The following USP31 variants were observed in gnomAD, a reference collection of about 807,000 sequenced individuals.
The protein encoded by USP31 is ubiquitin carboxyl-terminal hydrolase 31.
USP31 carries 44 observed loss-of-function variants against 119.4 expected under a neutral mutation model. The ratio of observed to expected loss-of-function variants is 0.37; its 90% CI spans 0.29 to 0.47. The LOEUF is 0.47. Among genes scored for constraint, USP31 ranks in the 20% least tolerant of loss-of-function variants. USP31 has a pLI of 0.99. For missense variants in USP31, 1,643 were observed against 1,730.2 expected, an observed-to-expected ratio of 0.95 and a Z score of 0.89; for synonymous variants, 749 against 705.6, an observed-to-expected ratio of 1.06 and a Z score of -0.97.
intron 13 of USP31, among the ~76,000 whole-genome samples, chr16:23,074,617 A>T (rs990111219): frequency 6.6e-6 from 1 of 152,150 alleles, no homozygotes; most frequent in South Asian, 2.1e-4. Flanking sequence ...CTTGCACTTG[A>T]AGCCCTATCC....
intron 1 of USP31, among the ~76,000 whole-genome samples, chr16:23,111,265 G>A (rs190161309): frequency 1.2e-4 from 18 of 152,308 alleles, no homozygotes; most frequent in African/African-American, 4.3e-4. Context: ...AAAGCAGTGA[G>A]GACAGAATGG....
At chr16:23,148,073 T>C (rs578114845) in intron 1 of USP31, among the ~76,000 whole-genome samples, 1 of 152,276 alleles carries the variant, frequency 6.6e-6, no homozygotes, top group South Asian at 2.1e-4. Flanking sequence ...CAAATACACA[T>C]GATATGGAAG....
chr16:23,087,625 T>C, intron 8 of USP31, 99 bp downstream of exon 8: 2 of 1,140,718 alleles, frequency 1.8e-6, no homozygotes, highest in Non-Finnish European at 2.5e-6. Flanking sequence ...TTCTCAGTCC[T>C]GGAAATCTAA....
At chr16:23,113,882 A>C (rs996666988) in intron 1 of USP31, among the ~76,000 whole-genome samples, 1 of 152,140 alleles carries the variant, frequency 6.6e-6, no homozygotes, top group Non-Finnish European at 1.5e-5. Context: ...AGGCGGGTGG[A>C]TGACCTGAGG....
intron 6 of USP31, among the ~76,000 whole-genome samples, chr16:23,097,873 A>G (rs933943821): frequency 3.3e-5 from 5 of 152,254 alleles, no homozygotes; most frequent in African/African-American, 1.2e-4. Context: ...ATCATACTGA[A>G]TGGGCAAAAA....
At chr16:23,085,996 C>A (rs1201873978) in intron 9 of USP31, among the ~76,000 whole-genome samples, 1 of 152,144 alleles carries the variant, frequency 6.6e-6, no homozygotes, top group African/African-American at 2.4e-5. Flanking sequence ...TTTTCACCCA[C>A]CCAAACAGAC....
chr16:23,074,878 T>A (rs563151244), intron 13 of USP31, among the ~76,000 whole-genome samples: 1 of 152,220 alleles, frequency 6.6e-6, no homozygotes, highest in African/African-American at 2.4e-5. Flanking sequence ...TATGATCACA[T>A]TTTCTAAAAA....
chr16:23,131,710 C>G lies in USP31; in HGVS notation c.633+16928G>C, dbSNP rs149138874. The stretch of plus-strand genomic sequence containing the variant: ...TGCCATCATCAGCTTGCTTTTCTCT[C>G]TGGGCTTGTGTACATGAATTCACTT... On this transcript the variant is annotated intron_variant, in intron 1 of 15. Coordinates refer to ENST00000219689, the MANE Select transcript of USP31 (RefSeq NM_020718.4). Among the ~76,000 whole-genome samples, 718 of 152,212 alleles carry G rather than the reference C, an allele frequency of 4.7e-3. 4 individuals are homozygous for G. The highest frequency in any genetic ancestry group is 0.014 in the Middle Eastern group (4 of 294).
chr16:23,148,801 G>T lies in USP31; in HGVS notation c.470C>A (p.Ala157Glu). The T allele has an allele frequency of 6.5e-7, 1 of 1,538,436 alleles. No homozygotes were observed. Residue 157 changes from alanine to glutamate, a missense_variant, in exon 1 of 16, where the codon GCG becomes GAG. Physicochemically the swap from Ala to Glu is moderately radical, Grantham distance 107. Around this residue, in one of 5 missense-constraint regions of USP31, gnomAD observed 302 missense variants for 262.6 expected, o/e 1.15. Coordinates refer to ENST00000219689, the MANE Select transcript of USP31 (RefSeq NM_020718.4). ...CCGCCCCGCCCGGTACTGGCCCAGC[G>T]CCAGGTACTCGGCGAAGAGCTCGGT... Reference protein sequence around the residue: ...SNTELFAEYLALGQYRAGRPE... With the variant: ...SNTELFAEYLELGQYRAGRPE...
chr16:23,138,602 G>C (rs1375133573), intron 1 of USP31, among the ~76,000 whole-genome samples: 1 of 152,154 alleles, frequency 6.6e-6, no homozygotes. Flanking sequence ...ATCCAGCCCT[G>C]CTCAAACCAT....
At chr16:23,113,517 T>C (rs1225070886) in intron 1 of USP31, among the ~76,000 whole-genome samples, 1 of 152,022 alleles carries the variant, frequency 6.6e-6, no homozygotes, top group African/African-American at 2.4e-5. Flanking sequence ...GAAGCAATAA[T>C]GAAAACTACC....
rs1900166438 is a variant in USP31 at position 23,068,182 on chromosome 16, G to C, written c.3923C>G (p.Ala1308Gly). ...PASAKHSLLS[A>G]RKSKSSQLDS... Reference sequence around the variant, plus strand: ...TAGTTGGGAAGACTTGGATTTGCGAGCGGACAGCAGGGAATGTTTGGCAGA... The same window carrying C: ...TAGTTGGGAAGACTTGGATTTGCGACCGGACAGCAGGGAATGTTTGGCAGA... Residue 1308 changes from alanine to glycine, a missense_variant, in exon 16 of 16, where the codon GCT (alanine) becomes GGT (glycine). Ala to Gly is a moderately conservative substitution (Grantham distance 60, BLOSUM62 0). Coordinates refer to ENST00000219689, the MANE Select transcript of USP31 (RefSeq NM_020718.4). 3.1e-6 allele frequency: 5 copies of C among 1,614,090 alleles called. No homozygotes were observed. The highest frequency in any genetic ancestry group is 3.3e-5 in the Admixed American group (2 of 60,006).
intron 1 of USP31, among the ~76,000 whole-genome samples, chr16:23,125,602 T>C (rs945601251): frequency 1.3e-5 from 2 of 152,362 alleles, no homozygotes; most frequent in African/African-American, 4.8e-5. Context: ...AGTAGATATT[T>C]TCCACGAGCT....
At chr16:23,094,613 C>T (rs1239170035) in intron 6 of USP31, among the ~76,000 whole-genome samples, 2 of 152,134 alleles carry the variant, frequency 1.3e-5, no homozygotes, top group Non-Finnish European at 2.9e-5. Flanking sequence ...ACAGACACCT[C>T]ATACAGGCGG....
Position 23,106,407 on chromosome 16 carries a change from C to A in USP31, c.852G>T (p.Ala284=). The A allele has an allele frequency of 3.1e-6, 5 of 1,613,446 alleles. No individual in the cohort carries two copies. The highest frequency in any genetic ancestry group is 4.2e-6 in the Non-Finnish European group (5 of 1,179,804). ...ATCCGATTTTCTCATACCTGTATTG[C>A]GCTTGAAAGAGTTCTTGTACAAAAG... is the stretch of plus-strand genomic sequence containing the variant. ...CSTFVQELFQ[A]QYRSSLTCPH... The change falls in exon 3 of 16, where the codon GCG becomes GCT. Residue 284 remains alanine, a synonymous_variant. Coordinates refer to ENST00000219689, the MANE Select transcript of USP31 (RefSeq NM_020718.4).
chr16:23,126,882 C>T (rs911872027), intron 1 of USP31, among the ~76,000 whole-genome samples: 1 of 149,772 alleles, frequency 6.7e-6, no homozygotes. Context: ...TGAATACACA[C>T]CCATATATGA....
chr16:23,080,329 A>G (rs1287937362), intron 12 of USP31, among the ~76,000 whole-genome samples, 158 bp from the exon 13 acceptor site: 1 of 152,166 alleles, frequency 6.6e-6, no homozygotes, highest in Non-Finnish European at 1.5e-5. Flanking sequence ...TGATAGTTTT[A>G]GCTATCTAGA....
chr16:23,126,129 A>T (rs1464757076), intron 1 of USP31, among the ~76,000 whole-genome samples: 1 of 151,744 alleles, frequency 6.6e-6, no homozygotes, highest in Non-Finnish European at 1.5e-5. Context: ...CAGCCTAGGC[A>T]ATATACCAAG....
chr16:23,121,013 G>C (rs1404183248), intron 1 of USP31, among the ~76,000 whole-genome samples: 1 of 152,076 alleles, frequency 6.6e-6, no homozygotes, highest in African/African-American at 2.4e-5. Context: ...GTTTTTAACT[G>C]AACAGCCGAT....
Sources: allele counts gnomAD v4.1 joint callset (sites outside exome capture counted in the v4.1 genomes callset), GRCh38; gene constraint gnomAD v4.1.1; regional missense constraint gnomAD v4.1.1; transcripts MANE v1.5; gene names NCBI Gene and HGNC (gene_info 2026-07-23, HGNC 2026-07-21).